CEP97: variants seen among roughly 807,000 people sequenced by gnomAD.
CEP97 encodes centrosomal protein of 97 kDa.
Under a neutral mutation model 73.1 loss-of-function variants are expected in CEP97, and 43 were observed. The observed-to-expected ratio is 0.59, with a 90% CI of 0.46 to 0.76. The LOEUF (loss-of-function observed/expected upper bound fraction) is 0.76, where lower values mean the gene tolerates loss of function less well. Ranked by LOEUF, CEP97 falls within the 30% of genes least tolerant of loss-of-function variation. The probability of loss-of-function intolerance (pLI) is 0.00; values close to 1 mark genes in which losing one functional copy is unlikely to be tolerated. For missense variants in CEP97, 939 were observed against 1,014.0 expected, an observed-to-expected ratio of 0.93 and a Z score of 1.00; for synonymous variants, 337 against 370.0, an observed-to-expected ratio of 0.91 and a Z score of 1.02.
In CEP97 at chr3:101,770,498, A is replaced by G. The variant is rs1939432433; in HGVS notation, c.*4947A>G. The G allele has an allele frequency of 1.3e-5, 2 of 152,222 alleles. No individual in the cohort carries two copies. Among genetic ancestry groups the G allele is most frequent in the South Asian group, 4.1e-4 (2 of 4,830 alleles). 9.4% of individuals were successfully genotyped at this position (152,222 alleles called of 1,614,324 possible). A position where few individuals can be genotyped will look rare whatever the true frequency, so the allele number is the denominator to read the frequency against. On this transcript the variant is annotated 3_prime_UTR_variant, in exon 11 of 11. Transcript: ENST00000341893. ...GTGTTTTATGAAGGCTTACTATTTT[A>G]TATTGTACTTATTTAATTTGTATTT...
chr3:101,731,876 A>C lies in CEP97; in HGVS notation c.484A>C (p.Arg162=), dbSNP rs1415456732. The change falls in exon 5 of 11, where the codon AGA becomes CGA. Residue 162 remains arginine, a synonymous_variant. Transcript: ENST00000341893. ...ACATGGAAACATCATCACCTCTCTT[A>C]GAATGGCACCTGCTTACCTACCCAG... ...LLHGNIITSL[R]MAPAYLPRSL... is the part of the protein sequence containing the mutation. 6.2e-7 allele frequency: 1 copy of C among 1,610,144 alleles called. No homozygotes were observed. Among genetic ancestry groups the C allele is most frequent in the African/African-American group, 1.3e-5 (1 of 74,820 alleles).
chr3:101,751,210 T>G (rs1242974500), intron 6 of CEP97, among the ~76,000 whole-genome samples: 7 of 152,228 alleles, frequency 4.6e-5, no homozygotes, highest in Non-Finnish European at 1.0e-4. Flanking sequence ...AGTTACCATG[T>G]AGTTGAGCGG....
At chr3:101,756,969 A>G (rs1939021808) in intron 7 of CEP97, 94 bp from the exon 8 acceptor site, 2 of 1,206,340 alleles carry the variant, frequency 1.7e-6, no homozygotes, top group Non-Finnish European at 2.3e-6. Context: ...GAGAACTTGT[A>G]AACTTCTGCC....
chr3:101,739,297 G>A (rs750302559), intron 6 of CEP97, among the ~76,000 whole-genome samples: 1 of 151,994 alleles, frequency 6.6e-6, no homozygotes, highest in Non-Finnish European at 1.5e-5. Flanking sequence ...AGAAAAAGAG[G>A]GACTCCTCCC....
At chr3:101,750,022 G>A (rs1445721759) in intron 6 of CEP97, among the ~76,000 whole-genome samples, 4 of 144,452 alleles carry the variant, frequency 2.8e-5, no homozygotes, top group South Asian at 2.2e-4. Flanking sequence ...TGTCAATTTT[G>A]TCTTCTGTTG....
chr3:101,758,571 G>C (rs541110410), intron 9 of CEP97, 148 bp downstream of exon 9: 1 of 931,288 alleles, frequency 1.1e-6, no homozygotes, highest in East Asian at 2.6e-5. Context: ...ACAGTGTACC[G>C]AAAGCATCTG....
rs35085560 is a variant in CEP97, at chr3:101,747,258, C to CTT, written c.729-8154_729-8153dup. 3.7e-4 allele frequency among the ~76,000 whole-genome samples: 48 copies of CTT among 129,750 alleles called. 1 individual carries two copies. Among genetic ancestry groups the CTT allele is most frequent in the African/African-American group, 8.3e-4 (29 of 35,010 alleles). The allele number at this position is 129,750 out of a possible 152,430, so 85.1% of individuals were successfully genotyped here. On this transcript the variant is annotated intron_variant, in intron 6 of 10. Transcript: ENST00000341893. Reference sequence around the variant, plus strand: ...TCAGATACCCTTTTATTCAGAACTCCTTTTTTTTTTTTTTTTTTTGAGACG... The same window carrying CTT: ...TCAGATACCCTTTTATTCAGAACTCCTTTTTTTTTTTTTTTTTTTTTGAGACG...
chr3:101,757,843 T>A lies in CEP97; in HGVS notation c.1237T>A (p.Ser413Thr), dbSNP rs776947199. The A allele has an allele frequency of 2.5e-6, 4 of 1,614,240 alleles. No homozygotes were observed. In the Admixed American group the frequency reaches 6.7e-5, roughly 27 times the overall value. The change falls in exon 9 of 11, where the codon TCT (serine) becomes ACT (threonine). Residue 413 changes from serine to threonine, a missense_variant. By Grantham distance (58) the Ser-to-Thr change is moderately conservative. Transcript: ENST00000341893. The stretch of plus-strand genomic sequence containing the variant: ...TTTTATGCCAGTTGCATCAGGACTG[T>A]CTCCACTATCACCTACAGTTGAGCT... ...STFMPVASGL[S>T]PLSPTVELRL...
At chr3:101,727,127 T>C (rs1383781331) in intron 2 of CEP97, among the ~76,000 whole-genome samples, 1 of 152,176 alleles carries the variant, frequency 6.6e-6, no homozygotes. Context: ...CATTCTCAAG[T>C]TGTTGCTGTG....
chr3:101,744,982 C>T (rs371125335), intron 6 of CEP97, among the ~76,000 whole-genome samples: 1 of 152,176 alleles, frequency 6.6e-6, no homozygotes, highest in African/African-American at 2.4e-5. Flanking sequence ...GTATGTATTA[C>T]CCAAAAGAGT....
At chr3:101,749,535 G>T (rs1938735541) in intron 6 of CEP97, among the ~76,000 whole-genome samples, 2 of 129,950 alleles carry the variant, frequency 1.5e-5, no homozygotes, top group African/African-American at 5.8e-5. Flanking sequence ...GGGTCAAATG[G>T]TATTTCTAGT....
chr3:101,739,815 G>C (rs1938394075), intron 6 of CEP97, among the ~76,000 whole-genome samples: 1 of 151,554 alleles, frequency 6.6e-6, no homozygotes, highest in Non-Finnish European at 1.5e-5. Flanking sequence ...CTGAGGCAGA[G>C]AATTGCTTGA....
chr3:101,734,685 T>C (rs999691179), intron 6 of CEP97, among the ~76,000 whole-genome samples: 2 of 152,230 alleles, frequency 1.3e-5, no homozygotes, highest in African/African-American at 4.8e-5. Context: ...GCTGTGAATG[T>C]TGCTCTGAGA....
At chr3:101,748,203 A>G (rs1938686424) in intron 6 of CEP97, among the ~76,000 whole-genome samples, 1 of 151,194 alleles carries the variant, frequency 6.6e-6, no homozygotes, top group Non-Finnish European at 1.5e-5. Context: ...TTTAATTGAA[A>G]ATGGTATTTT....
intron 7 of CEP97, among the ~76,000 whole-genome samples, chr3:101,756,819 C>G (rs1266734927): frequency 6.6e-6 from 1 of 152,068 alleles, no homozygotes; most frequent in African/African-American, 2.4e-5. Context: ...AGAGATCCTG[C>G]CTTTAAATGT....
intron 3 of CEP97, among the ~76,000 whole-genome samples, chr3:101,728,208 G>C (rs1320302396): frequency 6.6e-6 from 1 of 151,358 alleles, no homozygotes; most frequent in Non-Finnish European, 1.5e-5. Flanking sequence ...ATCTAAACTT[G>C]TAAACTCTAT....
rs999836483 is a variant in CEP97, at chr3:101,766,136, C to T, written c.*585C>T. ...GAAAAGGTAGGATTATAAGATTTCT[C>T]AATGGGGATGATTAAATTGTCTCAT... On this transcript the variant is annotated 3_prime_UTR_variant, in exon 11 of 11. Transcript: ENST00000341893. The T allele has an allele frequency of 1.3e-5, 2 of 152,130 alleles. No homozygotes were observed. The highest frequency in any genetic ancestry group is 4.8e-5 in the African/African-American group (2 of 41,434). 9.4% of individuals were successfully genotyped at this position (152,130 alleles called of 1,614,324 possible).
At chr3:101,750,484 A>G (rs1353585460) in intron 6 of CEP97, among the ~76,000 whole-genome samples, 1 of 152,146 alleles carries the variant, frequency 6.6e-6, no homozygotes, top group Non-Finnish European at 1.5e-5. Flanking sequence ...TTCAGAAGGA[A>G]TGGTACCAGT....
Position 101,764,969 on chromosome 3 carries a change from G to A in CEP97, c.2016G>A (p.Gln672=), listed in dbSNP as rs758333378. The change falls in exon 11 of 11, where the codon CAG becomes CAA. Residue 672 remains glutamine (Q), a synonymous_variant. Coordinates refer to ENST00000341893, the MANE Select transcript of CEP97 (RefSeq NM_024548.4). ...PSKHPLFTQS[Q]ESSCDQNADW... is the part of the protein sequence containing the mutation. Reference sequence around the variant, plus strand: ...AACATCCATTATTTACCCAAAGCCAGGAGTCCTCTTGTGATCAAAATGCTG... The same window carrying A: ...AACATCCATTATTTACCCAAAGCCAAGAGTCCTCTTGTGATCAAAATGCTG... 12 of 1,614,040 alleles carry A rather than the reference G, an allele frequency of 7.4e-6. No homozygotes were observed. Among genetic ancestry groups the A allele is most frequent in the Non-Finnish European group, 1.0e-5 (12 of 1,180,036 alleles).
Sources: gnomAD v4.1 joint callset for allele counts (sites outside exome capture counted in the v4.1 genomes callset) on GRCh38, gnomAD v4.1.1 for gene constraint, MANE v1.5 for transcripts, NCBI Gene and HGNC (gene_info 2026-07-23, HGNC 2026-07-21) for gene names.